Variants in HERC6 observed in about 807,000 individuals in gnomAD.
HERC6 encodes the protein probable E3 ubiquitin-protein ligase HERC6.
Under a neutral mutation model 114.5 loss-of-function variants are expected in HERC6, and 101 were observed. The observed-to-expected ratio is 0.88, with a 90% CI of 0.75 to 1.04. The LOEUF (loss-of-function observed/expected upper bound fraction) is 1.04. Among genes scored for constraint, HERC6 ranks in the 50% least tolerant of loss-of-function variants. The pLI is 0.00. For missense variants in HERC6, 1,133 were observed against 1,230.9 expected (o/e 0.92, Z 1.19); for synonymous variants, 408 against 436.2 (o/e 0.94, Z 0.81).
intron 11 of HERC6, among the ~76,000 whole-genome samples, chr4:88,412,115 T>C (rs1255710592): frequency 6.6e-6 from 1 of 152,196 alleles, no homozygotes; most frequent in East Asian, 1.9e-4. Flanking sequence ...GAGTCTCTCC[T>C]TGCTCATCTG....
intron 13 of HERC6, among the ~76,000 whole-genome samples, chr4:88,418,518 A>G (rs1736722007): frequency 6.6e-6 from 1 of 152,174 alleles, no homozygotes; most frequent in South Asian, 2.1e-4. Flanking sequence ...TCTGGCTCAA[A>G]GAGCTACAGT....
intron 13 of HERC6, among the ~76,000 whole-genome samples, chr4:88,419,675 G>A (rs1461736246): frequency 6.6e-6 from 1 of 152,250 alleles, no homozygotes; most frequent in South Asian, 2.1e-4. Flanking sequence ...ATACCTGAAG[G>A]ATTTATGCTT....
chr4:88,383,579 C>T (rs759869868), intron 2 of HERC6, among the ~76,000 whole-genome samples, 199 bp downstream of exon 2: 9 of 151,544 alleles, frequency 5.9e-5, no homozygotes, highest in East Asian at 3.9e-4. Context: ...GTCAACATGG[C>T]GAAAGCCCCT....
At chr4:88,408,498 G>A (rs1735916574) in intron 10 of HERC6, 26 bp from the exon 11 acceptor site, 2 of 1,408,156 alleles carry the variant, frequency 1.4e-6, no homozygotes, top group Non-Finnish European at 9.9e-7. Context: ...TGTTTATGTG[G>A]TTTCTTGCAT....
chr4:88,438,163 C>T (rs1338203953), intron 20 of HERC6, among the ~76,000 whole-genome samples: 1 of 149,380 alleles, frequency 6.7e-6, no homozygotes, highest in Non-Finnish European at 1.5e-5. Flanking sequence ...TTTAGCTTCT[C>T]AGGTGATTGT....
chr4:88,401,415 C>T (rs1260550959), intron 8 of HERC6, among the ~76,000 whole-genome samples: 3 of 150,404 alleles, frequency 2.0e-5, no homozygotes, highest in African/African-American at 4.9e-5. Context: ...TTGCTTGAAC[C>T]TGGGAGGCGA....
chr4:88,409,228 C>T (rs755566011), intron 11 of HERC6, among the ~76,000 whole-genome samples: 7 of 152,162 alleles, frequency 4.6e-5, no homozygotes, highest in Non-Finnish European at 1.0e-4. Flanking sequence ...ATTAGTTTTA[C>T]AAGAACAATT....
At chr4:88,439,783 A>G (rs1248197612) in intron 20 of HERC6, 91 bp from the exon 21 acceptor site, 5 of 1,223,626 alleles carry the variant, frequency 4.1e-6, no homozygotes, top group African/African-American at 1.6e-5. Flanking sequence ...CCTTCTCAAT[A>G]GAAATAGTAA....
intron 17 of HERC6, among the ~76,000 whole-genome samples, chr4:88,434,670 G>C (rs988751831): frequency 6.6e-6 from 1 of 151,040 alleles, no homozygotes; most frequent in Non-Finnish European, 1.5e-5. Context: ...CAGAAAACTA[G>C]TAAGTGATCA....
intron 13 of HERC6, among the ~76,000 whole-genome samples, chr4:88,419,238 G>A (rs758552859): frequency 2.0e-5 from 3 of 151,998 alleles, no homozygotes; most frequent in Non-Finnish European, 2.9e-5. Context: ...TGGTGTCCAC[G>A]TTCTCTATGG....
intron 6 of HERC6, among the ~76,000 whole-genome samples, chr4:88,396,488 T>C (rs1190937558): frequency 6.6e-6 from 1 of 152,154 alleles, no homozygotes; most frequent in Non-Finnish European, 1.5e-5. Flanking sequence ...TTTACATATA[T>C]ATTTTCGGAG....
At position 88,423,977 on chromosome 4, in the gene HERC6, A is replaced by G; in HGVS notation, c.1827+4A>G. 1 of 1,319,920 alleles carries G rather than the reference A, an allele frequency of 7.6e-7. No individual in the cohort carries two copies. Among genetic ancestry groups the G allele is most frequent in the Non-Finnish European group, 1.1e-6 (1 of 945,094 alleles). The allele number at this position is 1,319,920 out of a possible 1,614,324, so 81.8% of individuals were successfully genotyped here. ...GCTCTTTCGGGATAACCACCTGGTA[A>G]GAATAACATTTTTACTTCTGAAAAT... On this transcript the variant is annotated splice_donor_region_variant and intron_variant, in intron 14 of 22. Transcript: ENST00000264346.
intron 5 of HERC6, among the ~76,000 whole-genome samples, chr4:88,394,390 T>C (rs576171755): frequency 1.7e-4 from 25 of 146,488 alleles, no homozygotes; most frequent in Admixed American, 8.9e-4. Context: ...GGAGAATCAA[T>C]TGAACCCAGG....
chr4:88,404,574 T>G (rs1166998081), intron 8 of HERC6, among the ~76,000 whole-genome samples: 2 of 152,220 alleles, frequency 1.3e-5, no homozygotes, highest in Non-Finnish European at 2.9e-5. Flanking sequence ...ATGGGTTGTT[T>G]CCATCTTTTG....
At chr4:88,440,096 C>CTTCTA (rs1417464931) in intron 21 of HERC6, 39 bp downstream of exon 21, 1 of 1,603,560 alleles carries the variant, frequency 6.2e-7, no homozygotes, top group Non-Finnish European at 8.5e-7. Context: ...TTCCGAACAA[C>CTTCTA]TTCTATATAT....
intron 15 of HERC6, among the ~76,000 whole-genome samples, chr4:88,427,574 T>G (rs1233175266): frequency 2.0e-5 from 3 of 152,050 alleles, no homozygotes; most frequent in Admixed American, 2.0e-4. Flanking sequence ...CAGAAGAATC[T>G]AGTAATAACA....
In HERC6 at chr4:88,404,349, G is replaced by A. The variant is rs577356966; in HGVS notation, c.1093-527G>A. On this transcript the variant is annotated intron_variant, in intron 8 of 22. Transcript: ENST00000264346. ...ATTACAGGTGACCACCACCATGCCCGGCTAATTTTTTGTATTTTTAGTAGA... is the reference window on the plus strand; with the variant it reads ...ATTACAGGTGACCACCACCATGCCCAGCTAATTTTTTGTATTTTTAGTAGA... Among the ~76,000 whole-genome samples the A allele has an allele frequency of 1.5e-4, 23 of 151,910 alleles. No homozygotes were observed. The South Asian group carries it at 2.9e-3, about 19-fold the overall frequency.
chr4:88,440,267 T>TTACAG lies in HERC6; in HGVS notation c.2842+17_2842+18insTACAG. The TTACAG allele has an allele frequency of 7.9e-7, 1 of 1,261,366 alleles. No homozygotes were observed. The highest frequency in any genetic ancestry group is 1.1e-6 in the Non-Finnish European group (1 of 876,446). 78.1% of individuals were successfully genotyped at this position (1,261,366 alleles called of 1,614,324 possible). A position where few individuals can be genotyped will look rare whatever the true frequency, so the allele number is the denominator to read the frequency against. ...AATTCCTCTGTAAGTACTGTGGTAC[T>TTACAG]AGATGGACACATAATTATGTATCTT... On this transcript the variant is annotated intron_variant, in intron 22 of 22. Transcript: ENST00000264346.
chr4:88,422,915 A>G (rs1009652975), intron 13 of HERC6, among the ~76,000 whole-genome samples: 3 of 152,182 alleles, frequency 2.0e-5, no homozygotes, highest in African/African-American at 7.2e-5. Context: ...CCACAGGATT[A>G]TTGAGATTTT....
Sources: allele counts gnomAD v4.1 joint callset (sites outside exome capture counted in the v4.1 genomes callset), GRCh38; gene constraint gnomAD v4.1.1; transcripts MANE v1.5; gene names NCBI Gene and HGNC (gene_info 2026-07-23, HGNC 2026-07-21).